Variants in ABCC4 observed in about 807,000 individuals in gnomAD.
ABCC4 encodes ATP binding cassette subfamily C member 4 (PEL blood group), also known as ATP-binding cassette sub-family C member 4.
ABCC4 carries 102 observed loss-of-function variants against 168.5 expected under a neutral mutation model. That is an observed-to-expected ratio of 0.61 (90% CI 0.52 to 0.71). The LOEUF (loss-of-function observed/expected upper bound fraction) is 0.71. Among genes scored for constraint, ABCC4 ranks in the 30% least tolerant of loss-of-function variants. ABCC4 has a pLI of 0.00. For synonymous variants in ABCC4, 617 were observed against 590.7 expected (o/e 1.04, Z -0.65); for missense variants, 1,402 against 1,605.8 (o/e 0.87, Z 2.17).
At chr13:95,026,859 A>G (rs2031572799) in intron 30 of ABCC4, among the ~76,000 whole-genome samples, 1 of 151,198 alleles carries the variant, frequency 6.6e-6, no homozygotes, top group South Asian at 2.1e-4. Flanking sequence ...ACTGCACTCC[A>G]GCCTGGACAA....
intron 1 of ABCC4, among the ~76,000 whole-genome samples, chr13:95,250,997 A>G (rs1594380808): frequency 6.6e-6 from 1 of 152,172 alleles, no homozygotes; most frequent in East Asian, 1.9e-4. Flanking sequence ...TATGTTGCCC[A>G]GGCTGGTATC....
At chr13:95,213,916 A>G (rs961690615) in intron 4 of ABCC4, among the ~76,000 whole-genome samples, 1 of 152,210 alleles carries the variant, frequency 6.6e-6, no homozygotes, top group Non-Finnish European at 1.5e-5. Context: ...CAAGGAAACA[A>G]TAAAATGTGA....
chr13:95,044,822 A>G (rs1014160696), intron 27 of ABCC4, among the ~76,000 whole-genome samples: 5 of 152,214 alleles, frequency 3.3e-5, no homozygotes, highest in Admixed American at 2.0e-4. Flanking sequence ...CTTTTTAGTT[A>G]AAAGATTACA....
intron 1 of ABCC4, among the ~76,000 whole-genome samples, chr13:95,289,882 AG>A (rs1169935653): frequency 1.9e-4 from 29 of 152,124 alleles, no homozygotes; most frequent in African/African-American, 6.8e-4. Flanking sequence ...GGATCACCTG[AG>A]GTCGAGAGTT....
rs573337530 is a variant in ABCC4 at position 95,021,553 on chromosome 13, G to T, written c.*22C>A. 2 of 1,538,816 alleles carry T rather than the reference G, an allele frequency of 1.3e-6. No individual in the cohort carries two copies. The highest frequency in any genetic ancestry group is 1.8e-6 in the Non-Finnish European group (2 of 1,114,128). ...AACTAGTGGAAAATGCCTTCGGAAC[G>T]GACTTGACATTTTGGTTGGATTCAC... is the stretch of plus-strand genomic sequence containing the variant. On this transcript the variant is annotated 3_prime_UTR_variant, in exon 31 of 31. Transcript: ENST00000645237.
intron 26 of ABCC4, among the ~76,000 whole-genome samples, chr13:95,056,690 G>A (rs12868708): frequency 0.25 from 36,197 of 143,856 alleles, 4,466 homozygotes; most frequent in East Asian, 0.3. Context: ...AATAAAAAAA[G>A]AAGTCTTAAA....
intron 4 of ABCC4, among the ~76,000 whole-genome samples, chr13:95,217,312 G>C (rs368594213): frequency 5.3e-5 from 8 of 152,292 alleles, no homozygotes; most frequent in African/African-American, 1.9e-4. Flanking sequence ...TGGAAGGAGA[G>C]AATGACCTTT....
chr13:95,287,446 G>C (rs2041287561), intron 1 of ABCC4, among the ~76,000 whole-genome samples: 1 of 151,780 alleles, frequency 6.6e-6, no homozygotes, highest in Non-Finnish European at 1.5e-5. Flanking sequence ...AATTAGCTGG[G>C]CATGGTGGCA....
chr13:95,130,755 T>G (rs1416388896), intron 19 of ABCC4, among the ~76,000 whole-genome samples: 1 of 152,144 alleles, frequency 6.6e-6, no homozygotes, highest in Non-Finnish European at 1.5e-5. Context: ...TTGGTTGCGA[T>G]GGAGAATGTA....
chr13:95,259,206 G>A (rs1055844892), intron 1 of ABCC4, among the ~76,000 whole-genome samples: 5 of 152,076 alleles, frequency 3.3e-5, no homozygotes, highest in Non-Finnish European at 7.4e-5. Context: ...GACGAACATG[G>A]AGAAATCCTA....
At chr13:95,071,531 C>A in intron 25 of ABCC4, 131 bp downstream of exon 25, 1 of 757,398 alleles carries the variant, frequency 1.3e-6, no homozygotes, top group Non-Finnish European at 1.9e-6. Context: ...TATCCACATT[C>A]CATGGTTAGT....
intron 25 of ABCC4, among the ~76,000 whole-genome samples, chr13:95,071,187 C>T (rs1050864237): frequency 6.6e-6 from 1 of 152,172 alleles, no homozygotes; most frequent in Non-Finnish European, 1.5e-5. Flanking sequence ...TCCATTAAAC[C>T]TCTCTTTCTT....
chr13:95,071,667 C>T lies in ABCC4; in HGVS notation c.3205G>A (p.Glu1069Lys). Residue 1069 changes from glutamate (E) to lysine (K), a missense_variant, in exon 25 of 31, where the codon GAA becomes AAA. Glu to Lys is a moderately conservative substitution (Grantham distance 56). This residue lies in a region of ABCC4 where 1,007 missense variants were observed against 1,127.3 expected (regional missense o/e 0.89). Transcript: ENST00000645237. ...KHLTALIKSQ[E>K]KVGIVGRTGA... ...GCAAGATGCTTTAAACAAACCTTTT[C>T]TTGTGATTTAATGAGTGCTGTCAGA... 1 of 1,434,212 alleles carries T rather than the reference C, an allele frequency of 7.0e-7. No homozygotes were observed. The highest frequency in any genetic ancestry group is 1.7e-5 in the South Asian group (1 of 59,242). The allele number at this position is 1,434,212 out of a possible 1,614,324, so 88.8% of individuals were successfully genotyped here. A position where few individuals can be genotyped will look rare whatever the true frequency, so the allele number is the denominator to read the frequency against.
intron 16 of ABCC4, 45 bp downstream of exon 16, chr13:95,164,333 C>G: frequency 6.2e-7 from 1 of 1,608,778 alleles, no homozygotes; most frequent in South Asian, 1.1e-5. Context: ...AACATAGGTA[C>G]TGTAAATATC....
intron 29 of ABCC4, among the ~76,000 whole-genome samples, chr13:95,040,755 G>A (rs544110415): frequency 9.9e-5 from 15 of 152,244 alleles, no homozygotes; most frequent in Non-Finnish European, 1.9e-4. Flanking sequence ...GGTTCTGCTA[G>A]AACGATTTCT....
At chr13:95,224,483 T>C (rs551913127) in intron 4 of ABCC4, among the ~76,000 whole-genome samples, 2 of 152,310 alleles carry the variant, frequency 1.3e-5, no homozygotes, top group East Asian at 3.9e-4. Context: ...ACGCCTGTAA[T>C]CCCAGCACTT....
intron 20 of ABCC4, among the ~76,000 whole-genome samples, chr13:95,094,428 C>G (rs984123088): frequency 6.6e-6 from 1 of 152,150 alleles, no homozygotes; most frequent in Admixed American, 6.6e-5. Context: ...AAAGGACACC[C>G]TTTTCAACAA....
intron 11 of ABCC4, among the ~76,000 whole-genome samples, chr13:95,185,810 G>A (rs1215550383): frequency 6.6e-6 from 1 of 152,006 alleles, no homozygotes; most frequent in Non-Finnish European, 1.5e-5. Context: ...AAACCTCAGT[G>A]TACAATCAAA....
intron 24 of ABCC4, among the ~76,000 whole-genome samples, chr13:95,072,802 G>T (rs1177323790): frequency 2.0e-5 from 3 of 152,180 alleles, no homozygotes; most frequent in African/African-American, 7.2e-5. Flanking sequence ...ACTGGGAGAG[G>T]AGGAGACCTA....
Sources: gnomAD v4.1 joint callset for allele counts (sites outside exome capture counted in the v4.1 genomes callset) on GRCh38, gnomAD v4.1.1 for gene constraint, gnomAD v4.1.1 regional missense constraint, MANE v1.5 for transcripts, NCBI Gene and HGNC (gene_info 2026-07-23, HGNC 2026-07-21) for gene names.